Variants in ZFPM2 observed in about 807,000 individuals in gnomAD.
ZFPM2 encodes the protein zinc finger protein, FOG family member 2, also known as zinc finger protein ZFPM2.
In ZFPM2, 20 loss-of-function variants were observed where a neutral mutation model predicts 98.6. The ratio of observed to expected loss-of-function variants is 0.20; its 90% CI spans 0.14 to 0.29. The LOEUF is 0.29. Ranked by LOEUF, ZFPM2 falls within the 10% of genes least tolerant of loss-of-function variation. The probability of loss-of-function intolerance (pLI) is 1.00; values close to 1 mark genes in which losing one functional copy is unlikely to be tolerated. For missense variants in ZFPM2, 1,310 were observed against 1,388.6 expected (o/e 0.94, Z 0.90); for synonymous variants, 518 against 502.7 (o/e 1.03, Z -0.41).
At chr8:105,588,108 G>A (rs886704719) in intron 4 of ZFPM2, among the ~76,000 whole-genome samples, 1 of 152,054 alleles carries the variant, frequency 6.6e-6, no homozygotes, top group Admixed American at 6.6e-5. Flanking sequence ...GACAATGGAT[G>A]CATTTATAAT....
At chr8:105,353,340 TA>T (rs1194331690) in intron 1 of ZFPM2, among the ~76,000 whole-genome samples, 4 of 152,132 alleles carry the variant, frequency 2.6e-5, no homozygotes, top group African/African-American at 9.7e-5. Context: ...CCATATACGA[TA>T]GTGCCTCCTT....
chr8:105,430,940 G>A (rs1159871228), intron 2 of ZFPM2, among the ~76,000 whole-genome samples: 9 of 142,200 alleles, frequency 6.3e-5, no homozygotes. Context: ...GTCTCACAAT[G>A]TCGCTCAGGC....
At chr8:105,405,153 G>T (rs1362293222) in intron 1 of ZFPM2, among the ~76,000 whole-genome samples, 1 of 152,056 alleles carries the variant, frequency 6.6e-6, no homozygotes, top group East Asian at 1.9e-4. Flanking sequence ...TGGGGGATAT[G>T]CCAGAACCCC....
intron 1 of ZFPM2, among the ~76,000 whole-genome samples, chr8:105,331,074 C>A (rs1272237909): frequency 6.7e-6 from 1 of 150,224 alleles, no homozygotes; most frequent in African/African-American, 2.4e-5. Context: ...CATGTTCAAC[C>A]CTTTTCTCCC....
intron 1 of ZFPM2, among the ~76,000 whole-genome samples, chr8:105,349,347 A>G (rs909955373): frequency 3.3e-5 from 5 of 152,100 alleles, no homozygotes; most frequent in Non-Finnish European, 7.4e-5. Context: ...TTCAGTTCTG[A>G]GGGCCCGAGT....
At chr8:105,683,345 TC>T (rs1810654508) in intron 5 of ZFPM2, among the ~76,000 whole-genome samples, 2 of 152,184 alleles carry the variant, frequency 1.3e-5, no homozygotes, top group Admixed American at 6.5e-5. Context: ...GCCGATAAGC[TC>T]CCAAACAGGA....
intron 4 of ZFPM2, among the ~76,000 whole-genome samples, chr8:105,621,377 G>A (rs1816541319): frequency 6.6e-6 from 1 of 152,162 alleles, no homozygotes; most frequent in African/African-American, 2.4e-5. Flanking sequence ...CACTGATTTT[G>A]TATCGTGAGA....
chr8:105,470,355 C>T (rs1812879117), intron 3 of ZFPM2, among the ~76,000 whole-genome samples: 1 of 152,086 alleles, frequency 6.6e-6, no homozygotes, highest in Admixed American at 6.5e-5. Context: ...TTTTCATCAA[C>T]AAAATGGACC....
intron 1 of ZFPM2, among the ~76,000 whole-genome samples, chr8:105,393,995 G>T (rs1224061266): frequency 6.7e-6 from 1 of 150,224 alleles, no homozygotes; most frequent in Admixed American, 6.7e-5. Flanking sequence ...CTGGGTTCAC[G>T]CCATTCTCCT....
intron 3 of ZFPM2, among the ~76,000 whole-genome samples, chr8:105,560,968 ATTG>A (rs1815122086): frequency 6.6e-6 from 1 of 152,164 alleles, no homozygotes; most frequent in African/African-American, 2.4e-5. Context: ...CTCTCCAGAT[ATTG>A]TTGTTTGACA....
intron 5 of ZFPM2, among the ~76,000 whole-genome samples, chr8:105,771,676 T>C (rs184435144): frequency 6.6e-6 from 1 of 152,222 alleles, no homozygotes; most frequent in East Asian, 1.9e-4. Flanking sequence ...CACCCACTCA[T>C]CTGCAACAGC....
intron 4 of ZFPM2, among the ~76,000 whole-genome samples, chr8:105,625,261 A>G (rs1461086459): frequency 6.6e-6 from 1 of 151,968 alleles, no homozygotes; most frequent in Non-Finnish European, 1.5e-5. Context: ...TTTTCAAGCA[A>G]TGCAACTTTG....
intron 5 of ZFPM2, among the ~76,000 whole-genome samples, chr8:105,767,200 G>T (rs887420265): frequency 1.3e-5 from 2 of 151,808 alleles, no homozygotes; most frequent in Non-Finnish European, 2.9e-5. Flanking sequence ...TACAAAGCAT[G>T]GTTTGATTTT....
intron 1 of ZFPM2, among the ~76,000 whole-genome samples, chr8:105,368,972 C>T (rs996294614): frequency 9.2e-5 from 14 of 152,152 alleles, no homozygotes; most frequent in African/African-American, 3.4e-4. Context: ...ATTTGATTTA[C>T]AAAGTACTTC....
rs552037672 is a variant in ZFPM2 at position 105,401,321 on chromosome 8, G to A, written c.41-17823G>A. The stretch of plus-strand genomic sequence containing the variant: ...TTAAAATGGAACAAGCTTTTTAAAA[G>A]TGATTTTGTGCTTAATGTATTTTCA... On this transcript the variant is annotated intron_variant, in intron 1 of 7. Transcript: ENST00000407775. Among the ~76,000 whole-genome samples, 6 of 151,982 alleles carry A rather than the reference G, an allele frequency of 3.9e-5. No individual in the cohort carries two copies. The South Asian group carries it at 1.0e-3, about 26-fold the overall frequency.
rs543190059 is a variant in ZFPM2 at position 105,699,770 on chromosome 8, GA to G, written c.532+65420del. Among the ~76,000 whole-genome samples, 882 of 151,916 alleles carry G rather than the reference GA, an allele frequency of 5.8e-3. 10 individuals carry two copies. The highest frequency in any genetic ancestry group is 0.019 in the African/African-American group (779 of 41,450). On this transcript the variant is annotated intron_variant, in intron 5 of 7. Transcript: ENST00000407775. ...CTCAAATAATTAATTTGATTACATT[GA>G]AAAAAATTAATCTAAACTAGCTACA...
At chr8:105,373,475 GGA>G (rs1470711295) in intron 1 of ZFPM2, among the ~76,000 whole-genome samples, 1 of 152,126 alleles carries the variant, frequency 6.6e-6, no homozygotes, top group Non-Finnish European at 1.5e-5. Flanking sequence ...GGCATCTGAT[GGA>G]GAGTAGTCTT....
chr8:105,783,681 C>A (rs1480055671), intron 5 of ZFPM2, among the ~76,000 whole-genome samples: 1 of 152,136 alleles, frequency 6.6e-6, no homozygotes, highest in Non-Finnish European at 1.5e-5. Context: ...AGTACAATGT[C>A]CTCAAGCTTC....
At chr8:105,596,303 T>TA (rs1231878241) in intron 4 of ZFPM2, among the ~76,000 whole-genome samples, 1 of 151,654 alleles carries the variant, frequency 6.6e-6, no homozygotes, top group Admixed American at 6.6e-5. Context: ...AGAGGAAGAG[T>TA]AAAAGAGTTT....
Sources: gnomAD v4.1 joint callset for allele counts (sites outside exome capture counted in the v4.1 genomes callset) on GRCh38, gnomAD v4.1.1 for gene constraint, MANE v1.5 for transcripts, NCBI Gene and HGNC (gene_info 2026-07-23, HGNC 2026-07-21) for gene names.